Variants in ZHX3 observed in about 807,000 individuals in gnomAD.
ZHX3 encodes zinc fingers and homeoboxes 3, also known as zinc fingers and homeoboxes protein 3.
Under a neutral mutation model 64.5 loss-of-function variants are expected in ZHX3, and 20 were observed. The ratio of observed to expected loss-of-function variants is 0.31; its 90% confidence interval spans 0.22 to 0.45. ZHX3 has a LOEUF of 0.45. Among genes scored for constraint, ZHX3 ranks in the 20% least tolerant of loss-of-function variants. The probability of loss-of-function intolerance (pLI) is 1.00; values close to 1 mark genes in which losing one functional copy is unlikely to be tolerated. For synonymous variants in ZHX3, 423 were observed against 461.6 expected, an observed-to-expected ratio of 0.92 and a Z score of 1.07; for missense variants, 1,041 against 1,195.8, an observed-to-expected ratio of 0.87 and a Z score of 1.91.
chr20:41,308,351 G>A (rs1019049072), intron 1 of ZHX3, among the ~76,000 whole-genome samples: 3 of 152,156 alleles, frequency 2.0e-5, no homozygotes, highest in Admixed American at 6.5e-5. Flanking sequence ...ACAGTGACTG[G>A]AAGGATGTGG....
chr20:41,291,937 G>A (rs11905050), intron 1 of ZHX3, among the ~76,000 whole-genome samples: 1 of 148,178 alleles, frequency 6.7e-6, no homozygotes, highest in African/African-American at 2.5e-5. Context: ...CAGCTATTTA[G>A]GAGGCTGAGG....
chr20:41,201,450 A>T lies in ZHX3; in HGVS notation c.2860+607T>A. On this transcript the variant is annotated intron_variant, in intron 3 of 3. Coordinates refer to ENST00000683867, the MANE Select transcript of ZHX3 (RefSeq NM_001384317.1). This position sits in a 1 kb window ranked among gnomAD's most constrained non-coding sequence, Gnocchi z 5.0. ...TCAAAACTATGTCTTAAATAAAAATAATCTTCTATGATACATTTTGCTTTC... is the reference window on the plus strand; with the variant it reads ...TCAAAACTATGTCTTAAATAAAAATTATCTTCTATGATACATTTTGCTTTC... 8.4e-7 allele frequency: 1 copy of T among 1,187,930 alleles called. No individual in the cohort carries two copies. The highest frequency in any genetic ancestry group is 1.1e-6 in the Non-Finnish European group (1 of 886,826). The allele number at this position is 1,187,930 out of a possible 1,614,324, so 73.6% of individuals were successfully genotyped here.
At position 41,209,172 on chromosome 20, in the gene ZHX3, G is replaced by C. The variant is rs139007454; in HGVS notation, c.-150-4106C>G. Among the ~76,000 whole-genome samples, 1,166 of 152,142 alleles carry C rather than the reference G, an allele frequency of 7.7e-3. 6 individuals are homozygous for C. Among genetic ancestry groups the C allele is most frequent in the Non-Finnish European group, 0.013 (904 of 67,978 alleles). On this transcript the variant is annotated intron_variant, in intron 2 of 3. Transcript: ENST00000683867. ...CCTCTTCAAGGAGAACTACAAACCA[G>C]TGCTCAACGAAATAAGAGGACACAA...
rs80093937 is a variant in ZHX3 at position 41,279,857 on chromosome 20, G to A, written c.-244-10774C>T. 3.3e-5 allele frequency among the ~76,000 whole-genome samples: 5 copies of A among 152,130 alleles called. No individual in the cohort carries two copies. The South Asian group carries it at 6.2e-4, about 19-fold the overall frequency. On this transcript the variant is annotated intron_variant, in intron 1 of 3. Transcript: ENST00000683867. Reference sequence around the variant, plus strand: ...TGTGAATATAACCATAGAACCCTAGGGGGGAACAAACTCAAATTCAGAGAT... The same window carrying A: ...TGTGAATATAACCATAGAACCCTAGAGGGGAACAAACTCAAATTCAGAGAT...
intron 2 of ZHX3, among the ~76,000 whole-genome samples, chr20:41,250,869 G>A (rs745607628): frequency 2.0e-5 from 3 of 152,134 alleles, no homozygotes; most frequent in East Asian, 1.9e-4. Context: ...AGGCCTGGCC[G>A]GGCACACTGG....
intron 1 of ZHX3, among the ~76,000 whole-genome samples, chr20:41,273,164 G>C (rs2043225851): frequency 6.6e-6 from 1 of 151,908 alleles, no homozygotes; most frequent in African/African-American, 2.4e-5. Context: ...TATGTTTCTT[G>C]GCCATTTGCA....
At chr20:41,235,368 C>A (rs567346289) in intron 2 of ZHX3, among the ~76,000 whole-genome samples, 1 of 152,174 alleles carries the variant, frequency 6.6e-6, no homozygotes, top group South Asian at 2.1e-4. Context: ...TGCAAAAATC[C>A]TCAATAAAAT....
intron 1 of ZHX3, among the ~76,000 whole-genome samples, chr20:41,312,162 A>G (rs1364901889): frequency 6.6e-6 from 1 of 152,214 alleles, no homozygotes; most frequent in East Asian, 1.9e-4. Flanking sequence ...CTCTGTAGCC[A>G]GGATTGTAAA....
At position 41,196,465 on chromosome 20, in the gene ZHX3, T is replaced by TTATA. The variant is rs1568797116; in HGVS notation, c.2860+5591_2860+5592insTATA. Among the ~76,000 whole-genome samples the TTATA allele has an allele frequency of 9.8e-3, 426 of 43,612 alleles. 13 individuals carry two copies. Among genetic ancestry groups the TTATA allele is most frequent in the Non-Finnish European group, 0.011 (311 of 27,316 alleles). 28.6% of individuals were successfully genotyped at this position (43,612 alleles called of 152,430 possible). On this transcript the variant is annotated intron_variant, in intron 3 of 3. Coordinates refer to ENST00000683867, the MANE Select transcript of ZHX3 (RefSeq NM_001384317.1). ...ATATTATATATAATATATTTATATA[T>TTATA]AATATATATTTATATATTATAAATA...
rs1470214367 is a variant in ZHX3 at position 41,203,212 on chromosome 20, CAAT to C, written c.1702_1704del (p.Ile568del). ...GAGAAGGACACCTCTGGCACAGAGT[CAAT>C]GATGATGGAACTGTGATCTCCAGGT... On this transcript the variant is annotated inframe_deletion, in exon 3 of 4. Transcript: ENST00000683867. The surrounding 1 kb of genome is among the most constrained non-coding windows in gnomAD (Gnocchi z 7.1). 3.7e-6 allele frequency: 6 copies of C among 1,614,122 alleles called. No individual in the cohort carries two copies. The highest frequency in any genetic ancestry group is 5.1e-6 in the Non-Finnish European group (6 of 1,180,016).
chr20:41,312,809 G>A (rs1044608815), intron 1 of ZHX3, among the ~76,000 whole-genome samples: 1 of 152,182 alleles, frequency 6.6e-6, no homozygotes, highest in Non-Finnish European at 1.5e-5. Flanking sequence ...CCTGGAGAGG[G>A]AGCACGTCAG....
intron 3 of ZHX3, among the ~76,000 whole-genome samples, chr20:41,194,208 G>A (rs2037292151): frequency 6.6e-6 from 1 of 152,100 alleles, no homozygotes; most frequent in African/African-American, 2.4e-5. Flanking sequence ...CCATTGTTGA[G>A]TATGATGTTA....
chr20:41,305,719 G>A (rs892937481), intron 1 of ZHX3, among the ~76,000 whole-genome samples: 1 of 150,940 alleles, frequency 6.6e-6, no homozygotes, highest in Non-Finnish European at 1.5e-5. Flanking sequence ...GGGAGGCGGA[G>A]CTTGCAGTGA....
intron 2 of ZHX3, among the ~76,000 whole-genome samples, chr20:41,237,069 T>C (rs1274695213): frequency 2.6e-5 from 4 of 152,122 alleles, no homozygotes; most frequent in African/African-American, 9.7e-5. Context: ...TGAGATACCA[T>C]CTCACACCAG....
intron 2 of ZHX3, among the ~76,000 whole-genome samples, chr20:41,256,040 G>C (rs2042233485): frequency 6.6e-6 from 1 of 152,108 alleles, no homozygotes. Flanking sequence ...AATATATAAA[G>C]TATTAATGAA....
rs2038393477 is a variant in ZHX3 at position 41,203,165 on chromosome 20, C to T, written c.1752G>A (p.Glu584=). 3.1e-6 allele frequency: 5 copies of T among 1,613,966 alleles called. No homozygotes were observed. The East Asian group carries it at 8.9e-5, about 29-fold the overall frequency. ...VSFSPSSKVP[E]VTCIPTTATL... ...TGGCTGTTGTCGGAATGCAGGTTACCTCAGGGACCTTGGACGATGGGGAGA... is the reference window on the plus strand; with the variant it reads ...TGGCTGTTGTCGGAATGCAGGTTACTTCAGGGACCTTGGACGATGGGGAGA... The change falls in exon 3 of 4, where the codon GAG becomes GAA. Residue 584 remains glutamate, a synonymous_variant. Transcript: ENST00000683867. This position sits in a 1 kb window ranked among gnomAD's most constrained non-coding sequence, Gnocchi z 7.1.
In ZHX3 at chr20:41,204,472, C is replaced by G; in HGVS notation, c.445G>C (p.Val149Leu). The change falls in exon 3 of 4, where the codon GTG becomes CTG. Residue 149 changes from valine (V) to leucine (L), a missense_variant. Val to Leu is a conservative substitution (Grantham distance 32, BLOSUM62 1). Coordinates refer to ENST00000683867, the MANE Select transcript of ZHX3 (RefSeq NM_001384317.1). This position sits in a 1 kb window ranked among gnomAD's most constrained non-coding sequence, Gnocchi z 6.6. ...VWNVAKPDNH[V>L]VVEQSIPEST... ...TCAGGGATGCTCTGCTCCACAACCA[C>G]ATGATTGTCTGGCTTGGCCACGTTC... 6.2e-7 allele frequency: 1 copy of G among 1,614,232 alleles called. No homozygotes were observed. Among genetic ancestry groups the G allele is most frequent in the Non-Finnish European group, 8.5e-7 (1 of 1,180,042 alleles).
At chr20:41,253,747 A>G (rs1014653318) in intron 2 of ZHX3, among the ~76,000 whole-genome samples, 5 of 152,194 alleles carry the variant, frequency 3.3e-5, no homozygotes, top group Non-Finnish European at 7.3e-5. Flanking sequence ...CTATAAACAA[A>G]TAATTACCTC....
chr20:41,234,602 C>T (rs2040838163), intron 2 of ZHX3, among the ~76,000 whole-genome samples: 1 of 152,232 alleles, frequency 6.6e-6, no homozygotes, highest in Admixed American at 6.5e-5. Context: ...GCTTCTTGAG[C>T]ACTCAGAAGA....
Sources: gnomAD v4.1 joint callset for allele counts (sites outside exome capture counted in the v4.1 genomes callset) on GRCh38, gnomAD v4.1.1 for gene constraint, Gnocchi (gnomAD v3.1) non-coding constraint, MANE v1.5 for transcripts, NCBI Gene and HGNC (gene_info 2026-07-23, HGNC 2026-07-21) for gene names.